NAPB: variants seen among roughly 807,000 people sequenced by gnomAD.
NAPB encodes beta-soluble NSF attachment protein.
A neutral mutation model predicts 44.7 loss-of-function variants in NAPB; 26 were observed. The ratio of observed to expected loss-of-function variants is 0.58; its 90% CI spans 0.43 to 0.81. NAPB has a LOEUF of 0.81. Among genes scored for constraint, NAPB ranks in the 30% least tolerant of loss-of-function variants. The pLI is 0.00. For synonymous variants in NAPB, 120 were observed against 116.8 expected (o/e 1.03, Z -0.18); for missense variants, 315 against 356.4 (o/e 0.88, Z 0.94).
At chr20:23,390,754 A>T (rs1179216922) in intron 5 of NAPB, among the ~76,000 whole-genome samples, 1 of 152,182 alleles carries the variant, frequency 6.6e-6, no homozygotes, top group African/African-American at 2.4e-5. Context: ...CTCCAACCCC[A>T]GTGTCTCTAC....
At chr20:23,414,808 T>C (rs1985892836) in intron 1 of NAPB, among the ~76,000 whole-genome samples, 1 of 152,194 alleles carries the variant, frequency 6.6e-6, no homozygotes, top group South Asian at 2.1e-4. Flanking sequence ...AGTCTGTAAC[T>C]AGGGTGATTC....
intron 3 of NAPB, among the ~76,000 whole-genome samples, chr20:23,395,429 C>G (rs186817418): frequency 1.3e-5 from 2 of 152,250 alleles, no homozygotes; most frequent in East Asian, 3.9e-4. Context: ...GGCTTAGTTA[C>G]TCTTAACCTT....
chr20:23,387,553 T>C (rs1362154875), intron 7 of NAPB, among the ~76,000 whole-genome samples: 1 of 152,128 alleles, frequency 6.6e-6, no homozygotes, highest in Admixed American at 6.5e-5. Flanking sequence ...GGACAAAAAA[T>C]TGATATGCAA....
rs992182441 is a variant in NAPB at position 23,421,444 on chromosome 20, T to A, written c.-42A>T. 2 of 1,524,290 alleles carry A rather than the reference T, an allele frequency of 1.3e-6. No homozygotes were observed. Among genetic ancestry groups the A allele is most frequent in the South Asian group, 2.4e-5 (2 of 82,854 alleles). 94.4% of individuals were successfully genotyped at this position (1,524,290 alleles called of 1,614,324 possible). On this transcript the variant is annotated 5_prime_UTR_variant, in exon 1 of 11. Coordinates refer to ENST00000377026, the MANE Select transcript of NAPB (RefSeq NM_022080.3). ...GCCACAGCCCCCTCAGCCGGCTCGC[T>A]GTGCGCCCAGGCGCCTTAACCCTCC...
chr20:23,419,775 A>C (rs6132609), intron 1 of NAPB, among the ~76,000 whole-genome samples: 11,562 of 152,330 alleles, frequency 0.076, 670 homozygotes, highest in East Asian at 0.3. Context: ...ACCAGCTGTG[A>C]TAAACGTCCT....
chr20:23,415,561 T>A (rs1464199271), intron 1 of NAPB, among the ~76,000 whole-genome samples: 2 of 152,044 alleles, frequency 1.3e-5, no homozygotes, highest in Non-Finnish European at 2.9e-5. Context: ...GCCACTGCAC[T>A]CCAGCCTGGG....
chr20:23,393,579 A>G (rs1327383294), intron 5 of NAPB, among the ~76,000 whole-genome samples: 7 of 152,184 alleles, frequency 4.6e-5, no homozygotes, highest in Non-Finnish European at 7.3e-5. Context: ...AGCAGAGACA[A>G]AGCTCTCTGC....
At chr20:23,391,004 G>A (rs918523012) in intron 5 of NAPB, among the ~76,000 whole-genome samples, 17 of 152,142 alleles carry the variant, frequency 1.1e-4, no homozygotes, top group African/African-American at 4.1e-4. Context: ...AATCAAGCAC[G>A]TGACAACTCA....
chr20:23,401,481 C>T (rs182638272), intron 2 of NAPB, among the ~76,000 whole-genome samples: 30 of 152,228 alleles, frequency 2.0e-4, no homozygotes, highest in East Asian at 7.7e-4. Context: ...CAACAGATGA[C>T]GCGGGGTGCA....
At position 23,377,083 on chromosome 20, in the gene NAPB, C is replaced by A. The variant is rs550379759; in HGVS notation, c.*293G>T. ...CATAAAAACACGTGGCAACATTAAA[C>A]ATAGGCTCCACAAATACCAATGAAA... On this transcript the variant is annotated 3_prime_UTR_variant, in exon 11 of 11. Coordinates refer to ENST00000377026, the MANE Select transcript of NAPB (RefSeq NM_022080.3). 2.2e-4 allele frequency: 44 copies of A among 196,992 alleles called. 1 individual carries two copies. In the South Asian group the frequency reaches 5.7e-3, roughly 26 times the overall value. The allele number at this position is 196,992 out of a possible 1,614,324, so 12.2% of individuals were successfully genotyped here. A position where few individuals can be genotyped will look rare whatever the true frequency, so the allele number is the denominator to read the frequency against.
At position 23,376,939 on chromosome 20, in the gene NAPB, T is replaced by C. The variant is rs1241734148; in HGVS notation, c.*437A>G. ...TCTAATGAAGTTATAAACTCATTCC[T>C]AGTAACTGTCCTAAACTAAACACAC... On this transcript the variant is annotated 3_prime_UTR_variant, in exon 11 of 11. Coordinates refer to ENST00000377026, the MANE Select transcript of NAPB (RefSeq NM_022080.3). The C allele has an allele frequency of 6.6e-6, 1 of 152,458 alleles. No homozygotes were observed. The highest frequency in any genetic ancestry group is 2.4e-5 in the African/African-American group (1 of 41,470). 9.4% of individuals were successfully genotyped at this position (152,458 alleles called of 1,614,324 possible).
At position 23,395,126 on chromosome 20, in the gene NAPB, T is replaced by C. The variant is rs1427470007; in HGVS notation, c.342+13A>G. The C allele has an allele frequency of 9.9e-6, 16 of 1,614,172 alleles. No individual in the cohort carries two copies. The highest frequency in any genetic ancestry group is 1.4e-5 in the Non-Finnish European group (16 of 1,179,998). ...CTCCACCCCACAGCCACTCAAGCAA[T>C]GCAATGTCTTACCATGTCTGTGTAA... On this transcript the variant is annotated intron_variant, in intron 4 of 10. Transcript: ENST00000377026.
chr20:23,393,581 G>A (rs1984131280), intron 5 of NAPB, among the ~76,000 whole-genome samples: 1 of 152,122 alleles, frequency 6.6e-6, no homozygotes, highest in South Asian at 2.1e-4. Flanking sequence ...CAGAGACAAA[G>A]CTCTCTGCTG....
At chr20:23,414,424 G>A (rs751391879) in intron 1 of NAPB, among the ~76,000 whole-genome samples, 13 of 152,130 alleles carry the variant, frequency 8.5e-5, no homozygotes, top group Non-Finnish European at 1.5e-4. Context: ...AGTACAATAC[G>A]AGGCCTCATA....
At position 23,390,016 on chromosome 20, in the gene NAPB, C is replaced by T. The variant is rs1171642793; in HGVS notation, c.491G>A (p.Cys164Tyr). The change falls in exon 7 of 11, where the codon TGT becomes TAT. Residue 164 changes from cysteine to tyrosine, a missense_variant. Cys to Tyr is a radical substitution (Grantham distance 194). Coordinates refer to ENST00000377026, the MANE Select transcript of NAPB (RefSeq NM_022080.3). ...GEESNSSANK[C>Y]LLKVAAYAAQ... ...AGCATATGCTGCCACCTTCAGCAGA[C>T]ACTTGTTTGCTGAGCTGAAATCAAG... 15 of 1,614,022 alleles carry T rather than the reference C, an allele frequency of 9.3e-6. No individual in the cohort carries two copies. The highest frequency in any genetic ancestry group is 1.3e-5 in the Non-Finnish European group (15 of 1,179,970).
intron 1 of NAPB, among the ~76,000 whole-genome samples, chr20:23,411,760 G>A (rs1024266700): frequency 3.2e-4 from 49 of 151,962 alleles, no homozygotes; most frequent in African/African-American, 1.1e-3. Context: ...AAGGAGCTAA[G>A]GATATTTAAA....
intron 1 of NAPB, among the ~76,000 whole-genome samples, chr20:23,409,423 C>G (rs1388406060): frequency 6.6e-6 from 1 of 152,142 alleles, no homozygotes; most frequent in Non-Finnish European, 1.5e-5. Context: ...CAATAGTTTT[C>G]TAATGCCTCA....
rs769885461 is a variant in NAPB, at chr20:23,403,075, G to A, written c.99-3C>T. 1.1e-5 allele frequency: 17 copies of A among 1,609,406 alleles called. No homozygotes were observed. Among genetic ancestry groups the A allele is most frequent in the Non-Finnish European group, 1.4e-5 (17 of 1,177,854 alleles). On this transcript the variant is annotated splice_region_variant and splice_polypyrimidine_tract_variant and intron_variant, in intron 1 of 10. Transcript: ENST00000377026. ...CCTCTTCTATTCTTGTGTTTCCTCT[G>A]AGAAAAAGTTAAAAATTAGATTTTT...
At chr20:23,407,225 C>T (rs2062147536) in intron 1 of NAPB, among the ~76,000 whole-genome samples, 1 of 152,218 alleles carries the variant, frequency 6.6e-6, no homozygotes, top group African/African-American at 2.4e-5. Context: ...TTTGAAATTA[C>T]ACCGGATGCT....
Sources: allele counts gnomAD v4.1 joint callset (sites outside exome capture counted in the v4.1 genomes callset), GRCh38; gene constraint gnomAD v4.1.1; transcripts MANE v1.5; gene names NCBI Gene and HGNC (gene_info 2026-07-23, HGNC 2026-07-21).